Variants in CDK12 observed in about 807,000 individuals in gnomAD.
CDK12 encodes cyclin dependent kinase 12.
Under a neutral mutation model 133.8 loss-of-function variants are expected in CDK12, and 17 were observed. That is an observed-to-expected ratio of 0.13 (90% CI 0.09 to 0.19). The LOEUF is 0.19. CDK12 is among the 10% of genes least tolerant of loss of function. CDK12 has a pLI of 1.00. For synonymous variants in CDK12, 694 were observed against 683.6 expected (o/e 1.02, Z -0.24); for missense variants, 1,508 against 1,818.7 (o/e 0.83, Z 3.11).
At chr17:39,487,092 A>G (rs1004951091) in intron 2 of CDK12, among the ~76,000 whole-genome samples, 1 of 152,218 alleles carries the variant, frequency 6.6e-6, no homozygotes, top group African/African-American at 2.4e-5. Flanking sequence ...ATCTGAGTGC[A>G]GATTATAATA....
intron 11 of CDK12, among the ~76,000 whole-genome samples, chr17:39,521,793 T>C (rs2054188703): frequency 6.6e-6 from 1 of 151,970 alleles, no homozygotes; most frequent in South Asian, 2.1e-4. Context: ...AACTCCTGAC[T>C]TCAGGTGATC....
At chr17:39,567,435 A>G (rs2144768071), downstream of CDK12, 1 of 152,356 alleles carries the variant, frequency 6.6e-6, no homozygotes, top group Non-Finnish European at 1.5e-5. Context: ...AAAGTTCCAC[A>G]AGGTCAGTGA....
intron 9 of CDK12, among the ~76,000 whole-genome samples, chr17:39,516,660 CTTTTTT>C (rs900007701): frequency 1.7e-5 from 2 of 116,030 alleles, no homozygotes; most frequent in Non-Finnish European, 3.6e-5. Context: ...CTAATGCAGA[CTTTTTT>C]TTTTTTTTTT....
At position 39,517,553 on chromosome 17, in the gene CDK12, C is replaced by T. The variant is rs201661022; in HGVS notation, c.2960C>T (p.Ser987Phe). The T allele has an allele frequency of 4.1e-5, 64 of 1,575,956 alleles. No individual in the cohort carries two copies. In the East Asian group the frequency reaches 1.3e-3, roughly 32 times the overall value. ...QYRRRLREEF[S>F]FIPSAALDLL... ...CGAAGGCGTCTACGAGAAGAATTCT[C>T]TTTGTGAGTTTGGGGAAAATGAACA... Residue 987 changes from serine to phenylalanine, a missense_variant, in exon 10 of 14, where the codon TCT (serine) becomes TTT (phenylalanine). Ser to Phe is a radical substitution (Grantham distance 155). Transcript: ENST00000447079.
chr17:39,477,581 T>A lies in CDK12; in HGVS notation c.1931+5818T>A, dbSNP rs1335002864. Among the ~76,000 whole-genome samples the A allele has an allele frequency of 4.9e-4, 73 of 149,228 alleles. 1 individual carries two copies. The highest frequency in any genetic ancestry group is 1.2e-3 in the African/African-American group (49 of 40,604). ...TTTATTTATTTATTATTTATTTTTT[T>A]TTTTTTTTTGAGTCAGAGTCTTGCT... On this transcript the variant is annotated intron_variant, in intron 2 of 13. Transcript: ENST00000447079.
intron 1 of CDK12, among the ~76,000 whole-genome samples, chr17:39,542,557 T>C (rs1341715430): frequency 6.6e-6 from 1 of 151,808 alleles, no homozygotes; most frequent in Non-Finnish European, 1.5e-5. Flanking sequence ...TTGCCCAGGC[T>C]GGAGTGCAAT....
In CDK12 at chr17:39,496,238, A is replaced by G. The variant is rs1322418506; in HGVS notation, c.2419+1544A>G. Among the ~76,000 whole-genome samples, 13 of 152,206 alleles carry G rather than the reference A, an allele frequency of 8.5e-5. No homozygotes were observed. The East Asian group carries it at 2.5e-3, about 29-fold the overall frequency. Reference sequence around the variant, plus strand: ...GCTTTTAGTACTTTATGCCATATCTACTGTATTTATTTTAACAAAGCTGAG... The same window carrying G: ...GCTTTTAGTACTTTATGCCATATCTGCTGTATTTATTTTAACAAAGCTGAG... On this transcript the variant is annotated intron_variant, in intron 5 of 13. Coordinates refer to ENST00000447079, the MANE Select transcript of CDK12 (RefSeq NM_016507.4).
chr17:39,463,220 A>G (rs1379573940), intron 1 of CDK12, 103 bp downstream of exon 1: 3 of 974,546 alleles, frequency 3.1e-6, no homozygotes, highest in Non-Finnish European at 4.7e-6. Flanking sequence ...TTCATCATTG[A>G]CTAGAACACT....
intron 1 of CDK12, 84 bp downstream of exon 1, chr17:39,463,201 C>A: frequency 8.3e-7 from 1 of 1,210,868 alleles, no homozygotes; most frequent in Non-Finnish European, 1.2e-6. Flanking sequence ...TGTCTGGAAG[C>A]CCGCAGTGTT....
intron 3 of CDK12, among the ~76,000 whole-genome samples, chr17:39,491,540 AT>A (rs2051603295): frequency 6.6e-6 from 1 of 151,842 alleles, no homozygotes; most frequent in African/African-American, 2.4e-5. Context: ...CCGGCCTTAT[AT>A]TTTCATAGCA....
At chr17:39,491,655 A>G (rs1362405609) in intron 3 of CDK12, among the ~76,000 whole-genome samples, 5 of 151,832 alleles carry the variant, frequency 3.3e-5, no homozygotes, top group Non-Finnish European at 7.4e-5. Context: ...ATGTCTTCCT[A>G]AAGCTGTAGC....
Position 39,463,051 on chromosome 17 carries a change from A to G in CDK12, c.980A>G (p.Tyr327Cys), listed in dbSNP as rs376614675. Residue 327 changes from tyrosine (Y) to cysteine (C), a missense_variant, in exon 1 of 14, where the codon TAT becomes TGT. Coordinates refer to ENST00000447079, the MANE Select transcript of CDK12 (RefSeq NM_016507.4). ...GSYSGRSPSP[Y>C]GRRRSSSPFL... is the part of the protein sequence containing the mutation. Reference sequence around the variant, plus strand: ...TACAGCGGGCGATCGCCCAGTCCCTATGGTCGAAGGCGGTCCAGCAGCCCT... The same window carrying G: ...TACAGCGGGCGATCGCCCAGTCCCTGTGGTCGAAGGCGGTCCAGCAGCCCT... 4.3e-6 allele frequency: 7 copies of G among 1,614,082 alleles called. No homozygotes were observed. The highest frequency in any genetic ancestry group is 3.4e-6 in the Non-Finnish European group (4 of 1,180,002).
chr17:39,493,154 C>A (rs1470084536), intron 4 of CDK12, among the ~76,000 whole-genome samples: 1 of 139,376 alleles, frequency 7.2e-6, no homozygotes, highest in Admixed American at 7.8e-5. Flanking sequence ...CAACCACACT[C>A]GACTAATTTT....
At chr17:39,472,386 A>C (rs1273120775) in intron 2 of CDK12, among the ~76,000 whole-genome samples, 2 of 152,078 alleles carry the variant, frequency 1.3e-5, no homozygotes, top group Non-Finnish European at 2.9e-5. Context: ...AATTAAAAGA[A>C]TAATAGGCTG....
chr17:39,524,287 C>T (rs1203001872), intron 11 of CDK12, among the ~76,000 whole-genome samples: 1 of 152,192 alleles, frequency 6.6e-6, no homozygotes, highest in African/African-American at 2.4e-5. Flanking sequence ...TTTCCTCGAC[C>T]TTCTGTATAC....
intron 2 of CDK12, among the ~76,000 whole-genome samples, chr17:39,473,838 T>C (rs945309499): frequency 7.9e-5 from 12 of 151,418 alleles, no homozygotes; most frequent in African/African-American, 2.7e-4. Context: ...TGAGCTGAGA[T>C]CGTGCCACTG....
intron 8 of CDK12, 122 bp downstream of exon 8, chr17:39,511,752 T>A (rs1441711661): frequency 4.2e-6 from 2 of 477,074 alleles, no homozygotes; most frequent in Non-Finnish European, 7.3e-6. Flanking sequence ...CGATAAACTT[T>A]TGGCCAGATT....
chr17:39,488,092 G>A (rs2051284045), intron 2 of CDK12, among the ~76,000 whole-genome samples: 1 of 152,056 alleles, frequency 6.6e-6, no homozygotes, highest in Non-Finnish European at 1.5e-5. Context: ...AGAATTAGCT[G>A]GGTGTGTTGG....
At chr17:39,498,526 C>T (rs1162261783) in intron 5 of CDK12, among the ~76,000 whole-genome samples, 2 of 151,892 alleles carry the variant, frequency 1.3e-5, no homozygotes, top group Non-Finnish European at 2.9e-5. Context: ...CCCGGCCATC[C>T]TTCTCTTTTT....
Sources: gnomAD v4.1 joint callset for allele counts (sites outside exome capture counted in the v4.1 genomes callset) on GRCh38, gnomAD v4.1.1 for gene constraint, MANE v1.5 for transcripts, NCBI Gene and HGNC (gene_info 2026-07-23, HGNC 2026-07-21) for gene names.